Variants in RPH3A observed in about 807,000 individuals in gnomAD.
The protein encoded by RPH3A is rabphilin-3A.
RPH3A carries 48 observed loss-of-function variants against 102.2 expected under a neutral mutation model. The observed-to-expected ratio is 0.47, with a 90% CI of 0.37 to 0.60. The LOEUF (loss-of-function observed/expected upper bound fraction) is 0.60. Ranked by LOEUF, RPH3A falls within the 20% of genes least tolerant of loss-of-function variation. RPH3A has a pLI of 0.00. For synonymous variants in RPH3A, 310 were observed against 324.3 expected (o/e 0.96, Z 0.47); for missense variants, 781 against 910.1 (o/e 0.86, Z 1.83).
At chr12:112,674,354 AAG>A (rs2040157322) in intron 1 of RPH3A, among the ~76,000 whole-genome samples, 1 of 152,158 alleles carries the variant, frequency 6.6e-6, no homozygotes, top group African/African-American at 2.4e-5. Flanking sequence ...AGGAGGGACA[AAG>A]AGGAGCCTCT....
rs566673251 is a variant in RPH3A, at chr12:112,852,497, G to A, written c.230+4655G>A. 1.2e-4 allele frequency among the ~76,000 whole-genome samples: 19 copies of A among 152,250 alleles called. No individual in the cohort carries two copies. In the South Asian group the frequency reaches 3.1e-3, roughly 25 times the overall value. The stretch of plus-strand genomic sequence containing the variant: ...AGAACACAGCCTAGCCTCATAAAAG[G>A]CCTACTTCTCATCCCATATATTAGA... On this transcript the variant is annotated intron_variant, in intron 5 of 21. Coordinates refer to ENST00000389385, the MANE Select transcript of RPH3A (RefSeq NM_001143854.2).
chr12:112,673,169 A>C (rs1473606631), intron 1 of RPH3A, among the ~76,000 whole-genome samples: 2 of 152,108 alleles, frequency 1.3e-5, no homozygotes, highest in African/African-American at 4.8e-5. Flanking sequence ...TTCTTCTGGA[A>C]GAACCAATCT....
chr12:112,849,578 A>G (rs1241205820), intron 5 of RPH3A, among the ~76,000 whole-genome samples: 5 of 152,170 alleles, frequency 3.3e-5, no homozygotes, highest in Admixed American at 2.0e-4. Flanking sequence ...ACCAGCTATC[A>G]CATTTTATAT....
At chr12:112,676,758 C>T (rs1351864545) in intron 1 of RPH3A, among the ~76,000 whole-genome samples, 1 of 152,178 alleles carries the variant, frequency 6.6e-6, no homozygotes, top group South Asian at 2.1e-4. Context: ...GTAGGCAGTG[C>T]TAATGACAGC....
intron 1 of RPH3A, among the ~76,000 whole-genome samples, chr12:112,612,695 G>T (rs2039648292): frequency 6.6e-6 from 1 of 151,290 alleles, no homozygotes; most frequent in Non-Finnish European, 1.5e-5. Flanking sequence ...CTCCTGAGCA[G>T]CTGGGACTAC....
chr12:112,594,215 C>G (rs1664740494), intron 1 of RPH3A, among the ~76,000 whole-genome samples: 1 of 152,168 alleles, frequency 6.6e-6, no homozygotes, highest in African/African-American at 2.4e-5. Flanking sequence ...TTCTTTTTGG[C>G]TCTAGCATTC....
chr12:112,794,983 CAG>C (rs996714649), intron 2 of RPH3A, among the ~76,000 whole-genome samples: 2 of 152,170 alleles, frequency 1.3e-5, no homozygotes, highest in African/African-American at 4.8e-5. Flanking sequence ...AGGCAGCAGA[CAG>C]AGATTCTGTG....
intron 1 of RPH3A, among the ~76,000 whole-genome samples, chr12:112,712,993 GTCTTCC>G (rs200802149): frequency 0.011 from 678 of 58,984 alleles, 28 homozygotes; most frequent in South Asian, 0.026. Context: ...CGTCGTCTTT[GTCTTCC>G]TCTTCCTCTT....
chr12:112,876,027 C>T (rs962855818), intron 12 of RPH3A, among the ~76,000 whole-genome samples: 3 of 152,212 alleles, frequency 2.0e-5, no homozygotes, highest in Admixed American at 6.5e-5. Flanking sequence ...CTTCCCTGAG[C>T]CTCAGTTTCC....
At chr12:112,633,241 G>A (rs1285336209) in intron 1 of RPH3A, among the ~76,000 whole-genome samples, 6 of 152,122 alleles carry the variant, frequency 3.9e-5, no homozygotes, top group Non-Finnish European at 7.4e-5. Flanking sequence ...CAATCTATAT[G>A]AGTCATCCTT....
intron 1 of RPH3A, among the ~76,000 whole-genome samples, chr12:112,636,644 G>C (rs1282527194): frequency 1.3e-5 from 2 of 152,160 alleles, no homozygotes; most frequent in African/African-American, 4.8e-5. Flanking sequence ...GTAGAAAACA[G>C]AGGTTGGGAG....
chr12:112,592,823 A>T (rs771895661), intron 1 of RPH3A, among the ~76,000 whole-genome samples: 81 of 152,304 alleles, frequency 5.3e-4, no homozygotes, highest in Non-Finnish European at 1.1e-3. Context: ...AAGCGGGGCC[A>T]CACGACTTAT....
chr12:112,838,619 C>G (rs947512617), intron 4 of RPH3A, among the ~76,000 whole-genome samples: 2 of 152,346 alleles, frequency 1.3e-5, no homozygotes, highest in Admixed American at 6.5e-5. Flanking sequence ...TTCTGCACAC[C>G]TCTGCTGTTG....
At chr12:112,724,147 C>T (rs1227764538) in intron 1 of RPH3A, among the ~76,000 whole-genome samples, 3 of 149,702 alleles carry the variant, frequency 2.0e-5, no homozygotes, top group African/African-American at 7.4e-5. Flanking sequence ...GCCTCATCCT[C>T]GCCGGCTCAA....
At chr12:112,776,933 G>T in intron 1 of RPH3A, among the ~76,000 whole-genome samples, 1 of 134,044 alleles carries the variant, frequency 7.5e-6, no homozygotes, top group South Asian at 2.6e-4. Flanking sequence ...GCCTCTTAAA[G>T]TCTAGGCTCA....
At chr12:112,841,826 A>G (rs2042152732) in intron 4 of RPH3A, 3 of 422,524 alleles carry the variant, frequency 7.1e-6, no homozygotes, top group Non-Finnish European at 1.4e-5. Context: ...GGTTTCTGAA[A>G]GTTCATCTTC....
At chr12:112,819,912 T>C (rs1449315975) in intron 2 of RPH3A, among the ~76,000 whole-genome samples, 1 of 152,246 alleles carries the variant, frequency 6.6e-6, no homozygotes, top group Non-Finnish European at 1.5e-5. Flanking sequence ...AGCCTCTGAA[T>C]GCATCACATC....
At chr12:112,816,498 T>G (rs559143002) in intron 2 of RPH3A, among the ~76,000 whole-genome samples, 3 of 152,340 alleles carry the variant, frequency 2.0e-5, no homozygotes, top group African/African-American at 7.2e-5. Context: ...TGTACATGAT[T>G]GTCCAGATAG....
intron 1 of RPH3A, among the ~76,000 whole-genome samples, chr12:112,609,053 G>A (rs2039618891): frequency 6.6e-6 from 1 of 152,128 alleles, no homozygotes; most frequent in African/African-American, 2.4e-5. Context: ...TGATCTCATT[G>A]GACGATGCCA....
Sources: allele counts gnomAD v4.1 joint callset (sites outside exome capture counted in the v4.1 genomes callset), GRCh38; gene constraint gnomAD v4.1.1; transcripts MANE v1.5; gene names NCBI Gene and HGNC (gene_info 2026-07-23, HGNC 2026-07-21).